The following DPYD variants were observed in gnomAD, a reference collection of about 807,000 sequenced individuals.
DPYD encodes dihydropyrimidine dehydrogenase, also known as dihydropyrimidine dehydrogenase [NADP(+)].
In DPYD, 109 loss-of-function variants were observed where a neutral mutation model predicts 116.2. That is an observed-to-expected ratio of 0.94 (90% CI 0.80 to 1.10). The LOEUF (loss-of-function observed/expected upper bound fraction) is 1.10, where lower values mean the gene tolerates loss of function less well. DPYD is among the 50% of genes least tolerant of loss of function. The pLI is 0.00. For synonymous variants in DPYD, 440 were observed against 432.0 expected (o/e 1.02, Z -0.23); for missense variants, 1,302 against 1,254.5 (o/e 1.04, Z -0.57).
At chr1:97,694,901 T>C (rs1317357896) in intron 6 of DPYD, among the ~76,000 whole-genome samples, 1 of 152,238 alleles carries the variant, frequency 6.6e-6, no homozygotes, top group Non-Finnish European at 1.5e-5. Context: ...TAGTTGCTAT[T>C]GAGTTTTAGT....
chr1:97,542,311 T>C (rs952713372), intron 12 of DPYD, among the ~76,000 whole-genome samples: 14 of 152,176 alleles, frequency 9.2e-5, no homozygotes, highest in Admixed American at 1.3e-4. Context: ...AACATCTTTA[T>C]GAAAATTTGA....
intron 13 of DPYD, among the ~76,000 whole-genome samples, chr1:97,506,849 A>T (rs1647373213): frequency 6.6e-6 from 1 of 152,054 alleles, no homozygotes. Flanking sequence ...TGTGTTTGAA[A>T]GCATCTTAAT....
At chr1:97,504,281 G>A (rs1271073332) in intron 13 of DPYD, among the ~76,000 whole-genome samples, 1 of 151,886 alleles carries the variant, frequency 6.6e-6, no homozygotes, top group South Asian at 2.1e-4. Context: ...ATATCGAAAA[G>A]GTGTGAGTTG....
At chr1:97,488,032 C>T (rs1345167275) in intron 13 of DPYD, among the ~76,000 whole-genome samples, 1 of 151,828 alleles carries the variant, frequency 6.6e-6, no homozygotes, top group Non-Finnish European at 1.5e-5. Context: ...AGATATCCTT[C>T]AACAGGTGAA....
chr1:97,099,954 T>G (rs1650545073), intron 20 of DPYD, among the ~76,000 whole-genome samples: 1 of 152,096 alleles, frequency 6.6e-6, no homozygotes, highest in Non-Finnish European at 1.5e-5. Context: ...CCATTATCAA[T>G]TCATTATAAT....
At chr1:97,616,208 C>T (rs1656258349) in intron 8 of DPYD, among the ~76,000 whole-genome samples, 1 of 151,880 alleles carries the variant, frequency 6.6e-6, no homozygotes, top group Non-Finnish European at 1.5e-5. Flanking sequence ...TTCTTTCTGC[C>T]TAGGACATAC....
chr1:97,148,923 C>G (rs891604210), intron 20 of DPYD, among the ~76,000 whole-genome samples: 2 of 152,060 alleles, frequency 1.3e-5, no homozygotes, highest in African/African-American at 4.8e-5. Flanking sequence ...TAGAAAATAC[C>G]TGCATCACTC....
At chr1:97,467,739 T>C (rs779483075) in intron 13 of DPYD, among the ~76,000 whole-genome samples, 5 of 152,186 alleles carry the variant, frequency 3.3e-5, no homozygotes, top group African/African-American at 4.8e-5. Flanking sequence ...AAGCAAACTT[T>C]TGACCTGCAT....
intron 16 of DPYD, among the ~76,000 whole-genome samples, chr1:97,326,021 G>T (rs2101136857): frequency 6.6e-6 from 1 of 151,710 alleles, no homozygotes; most frequent in South Asian, 2.1e-4. Flanking sequence ...TGTCTATGGG[G>T]TGAGAGTATA....
At chr1:97,872,881 G>A (rs888240069) in intron 2 of DPYD, among the ~76,000 whole-genome samples, 3 of 151,896 alleles carry the variant, frequency 2.0e-5, no homozygotes, top group Admixed American at 1.3e-4. Flanking sequence ...TACTGACACC[G>A]TTTCAATCCC....
rs1262131963 is a variant in DPYD at position 97,306,361 on chromosome 1, G to C, written c.2059-64C>G. ...AGAATTGTGATCAAAATGTGTACTG[G>C]AACAACAGCAAAGCTGGAGACGTGC... On this transcript the variant is annotated intron_variant, in intron 16 of 22. Transcript: ENST00000370192. 10 of 1,601,902 alleles carry C rather than the reference G, an allele frequency of 6.2e-6. No homozygotes were observed. The African/African-American group carries it at 8.0e-5, about 13-fold the overall frequency.
At chr1:97,878,594 AAATC>A (rs1267807228) in intron 2 of DPYD, among the ~76,000 whole-genome samples, 2 of 151,892 alleles carry the variant, frequency 1.3e-5, no homozygotes, top group African/African-American at 4.8e-5. Flanking sequence ...TTTATCTCCT[AAATC>A]AATTCAAGCT....
At chr1:97,229,490 G>A (rs1176131743) in intron 19 of DPYD, among the ~76,000 whole-genome samples, 1 of 141,426 alleles carries the variant, frequency 7.1e-6, no homozygotes, top group Non-Finnish European at 1.5e-5. Flanking sequence ...ACCCTCCACT[G>A]AACTACCAAA....
At chr1:97,228,452 T>C (rs1251736045) in intron 19 of DPYD, among the ~76,000 whole-genome samples, 1 of 152,184 alleles carries the variant, frequency 6.6e-6, no homozygotes, top group Non-Finnish European at 1.5e-5. Context: ...AGCAGTGAAC[T>C]CACTTAATTA....
At chr1:97,383,314 TA>T (rs1310684822) in intron 14 of DPYD, among the ~76,000 whole-genome samples, 1 of 151,470 alleles carries the variant, frequency 6.6e-6, no homozygotes, top group Non-Finnish European at 1.5e-5. Flanking sequence ...CCATCTCTAC[TA>T]AAAATACAAA....
At chr1:97,370,529 A>T (rs1472207265) in intron 16 of DPYD, among the ~76,000 whole-genome samples, 1 of 152,140 alleles carries the variant, frequency 6.6e-6, no homozygotes, top group African/African-American at 2.4e-5. Context: ...GGACATATAT[A>T]CCTATGTAAC....
chr1:97,369,597 G>A (rs929754355), intron 16 of DPYD, among the ~76,000 whole-genome samples: 1 of 152,060 alleles, frequency 6.6e-6, no homozygotes, highest in Non-Finnish European at 1.5e-5. Context: ...AAACTCAACC[G>A]GCTTCAGAGG....
At position 97,602,228 on chromosome 1, in the gene DPYD, G is replaced by T. The variant is rs372522337; in HGVS notation, c.851-7062C>A. 1.3e-4 allele frequency among the ~76,000 whole-genome samples: 20 copies of T among 151,944 alleles called. No individual in the cohort carries two copies. The East Asian group carries it at 3.9e-3, about 29-fold the overall frequency. ...AACAGTACAATTTTAAAAAGCACTA[G>T]AAAAGAGAATAAAATAATCAAATAA... On this transcript the variant is annotated intron_variant, in intron 8 of 22. Coordinates refer to ENST00000370192, the MANE Select transcript of DPYD (RefSeq NM_000110.4).
chr1:97,386,551 A>G (rs895139869), intron 14 of DPYD, among the ~76,000 whole-genome samples: 1 of 152,158 alleles, frequency 6.6e-6, no homozygotes, highest in Admixed American at 6.6e-5. Flanking sequence ...CTATTTTTAC[A>G]TTCTTGTTTC....
Sources: allele counts gnomAD v4.1 joint callset (sites outside exome capture counted in the v4.1 genomes callset), GRCh38; gene constraint gnomAD v4.1.1; transcripts MANE v1.5; gene names NCBI Gene and HGNC (gene_info 2026-07-23, HGNC 2026-07-21).